The following PRKN variants were observed in gnomAD, a reference collection of about 807,000 sequenced individuals.
PRKN encodes the protein E3 ubiquitin-protein ligase parkin.
PRKN carries 56 observed loss-of-function variants against 59.5 expected under a neutral mutation model. The observed-to-expected ratio is 0.94, with a 90% CI of 0.76 to 1.18. The LOEUF (loss-of-function observed/expected upper bound fraction) is 1.18, where lower values mean the gene tolerates loss of function less well. Among genes scored for constraint, PRKN ranks in the 50% most tolerant of loss-of-function variants. The pLI is 0.00. For synonymous variants in PRKN, 250 were observed against 222.1 expected, an observed-to-expected ratio of 1.13 and a Z score of -1.12; for missense variants, 657 against 596.4, an observed-to-expected ratio of 1.10 and a Z score of -1.06.
chr6:162,198,912 G>C (rs922647966), intron 4 of PRKN, among the ~76,000 whole-genome samples: 3 of 151,956 alleles, frequency 2.0e-5, no homozygotes, highest in Admixed American at 1.3e-4. Flanking sequence ...CTACAGGTTG[G>C]TTTTCTTTCT....
At chr6:162,338,404 A>C (rs946100442) in intron 2 of PRKN, among the ~76,000 whole-genome samples, 4 of 150,082 alleles carry the variant, frequency 2.7e-5, no homozygotes, top group African/African-American at 9.7e-5. Context: ...CTGCTACTGC[A>C]GGCACGCGCC....
At chr6:162,520,324 A>G (rs1295273124) in intron 1 of PRKN, among the ~76,000 whole-genome samples, 3 of 152,220 alleles carry the variant, frequency 2.0e-5, no homozygotes, top group Non-Finnish European at 4.4e-5. Flanking sequence ...AAAAATCAGT[A>G]GCACTTATAA....
chr6:162,373,253 T>G (rs1262828015), intron 2 of PRKN, among the ~76,000 whole-genome samples: 1 of 152,212 alleles, frequency 6.6e-6, no homozygotes, highest in African/African-American at 2.4e-5. Flanking sequence ...AAGTTTTCTT[T>G]TGAGAAAAAT....
intron 1 of PRKN, among the ~76,000 whole-genome samples, chr6:162,619,919 A>T (rs1253352906): frequency 6.6e-6 from 1 of 152,188 alleles, no homozygotes; most frequent in Non-Finnish European, 1.5e-5. Flanking sequence ...TTAGTTAATG[A>T]GGGTATCTTC....
chr6:162,115,307 G>C (rs1282456125), intron 4 of PRKN, among the ~76,000 whole-genome samples: 1 of 142,650 alleles, frequency 7.0e-6, no homozygotes, highest in African/African-American at 2.6e-5. Flanking sequence ...AGAACACATG[G>C]ACACAGGAAG....
At chr6:162,264,102 C>T (rs528349979) in intron 2 of PRKN, among the ~76,000 whole-genome samples, 9 of 151,772 alleles carry the variant, frequency 5.9e-5, no homozygotes, top group Non-Finnish European at 1.0e-4. Context: ...GGTGAAACCC[C>T]ATCTCTACTA....
At chr6:161,938,911 A>T (rs1240756510) in intron 6 of PRKN, among the ~76,000 whole-genome samples, 1 of 152,156 alleles carries the variant, frequency 6.6e-6, no homozygotes, top group East Asian at 1.9e-4. Flanking sequence ...ATTCCTTTGA[A>T]CTGGTTTTTA....
At chr6:162,150,990 A>G (rs910116578) in intron 4 of PRKN, among the ~76,000 whole-genome samples, 9 of 152,294 alleles carry the variant, frequency 5.9e-5, no homozygotes, top group Non-Finnish European at 1.2e-4. Flanking sequence ...TAAAAGTAAA[A>G]GAGAAATTGG....
intron 1 of PRKN, among the ~76,000 whole-genome samples, chr6:162,621,177 A>G (rs970541815): frequency 6.6e-6 from 1 of 152,170 alleles, no homozygotes; most frequent in Non-Finnish European, 1.5e-5. Context: ...TGAGAGCAGC[A>G]ATGGCCCCAA....
chr6:161,940,664 T>C (rs1351668379), intron 6 of PRKN, among the ~76,000 whole-genome samples: 1 of 152,192 alleles, frequency 6.6e-6, no homozygotes, highest in African/African-American at 2.4e-5. Flanking sequence ...ATAATCCAAC[T>C]TAGTTCATGA....
intron 6 of PRKN, among the ~76,000 whole-genome samples, chr6:161,947,083 C>T (rs1398551564): frequency 6.6e-6 from 1 of 152,008 alleles, no homozygotes; most frequent in Non-Finnish European, 1.5e-5. Flanking sequence ...TCTGCAAGTG[C>T]TTATACATCT....
chr6:161,620,917 T>C (rs1316141544), intron 7 of PRKN, among the ~76,000 whole-genome samples: 1 of 152,140 alleles, frequency 6.6e-6, no homozygotes, highest in African/African-American at 2.4e-5. Context: ...AACCAGGAAA[T>C]GGTCACCATG....
At chr6:162,486,552 G>A (rs551874949) in intron 1 of PRKN, among the ~76,000 whole-genome samples, 8 of 152,288 alleles carry the variant, frequency 5.3e-5, no homozygotes, top group East Asian at 1.9e-4. Flanking sequence ...GTGAGAGACC[G>A]AATATGAGAA....
At chr6:161,570,620 A>G (rs1011330370) in intron 7 of PRKN, among the ~76,000 whole-genome samples, 2 of 152,022 alleles carry the variant, frequency 1.3e-5, no homozygotes, top group African/African-American at 2.4e-5. Flanking sequence ...TTTTCTTAAT[A>G]ACATTTTCCT....
intron 4 of PRKN, among the ~76,000 whole-genome samples, chr6:162,117,078 T>C (rs527590072): frequency 1.4e-4 from 21 of 152,166 alleles, no homozygotes; most frequent in African/African-American, 5.1e-4. Flanking sequence ...TGTAAATCAC[T>C]GTGGGAAAGC....
intron 9 of PRKN, among the ~76,000 whole-genome samples, chr6:161,479,610 T>TC (rs1346591367): frequency 6.6e-6 from 1 of 152,160 alleles, no homozygotes; most frequent in Non-Finnish European, 1.5e-5. Context: ...ATATGCTCTG[T>TC]CCCCGGGGAA....
At chr6:162,011,062 TATATA>T (rs1356935360) in intron 5 of PRKN, among the ~76,000 whole-genome samples, 165 of 11,324 alleles carry the variant, frequency 0.015, 36 homozygotes, top group African/African-American at 0.12. Flanking sequence ...TATATTATAA[TATATA>T]ATATATTTAT....
At chr6:161,992,958 C>T (rs1781706397) in intron 5 of PRKN, among the ~76,000 whole-genome samples, 1 of 151,920 alleles carries the variant, frequency 6.6e-6, no homozygotes. Context: ...AGCAAAAGTA[C>T]TGCTAAGAGA....
At chr6:162,217,456 C>T (rs1662778145) in intron 3 of PRKN, among the ~76,000 whole-genome samples, 1 of 152,170 alleles carries the variant, frequency 6.6e-6, no homozygotes, top group Admixed American at 6.5e-5. Flanking sequence ...CCTCAGCTCA[C>T]TGCAACCCCC....
Sources: gnomAD v4.1 joint callset for allele counts (sites outside exome capture counted in the v4.1 genomes callset) on GRCh38, gnomAD v4.1.1 for gene constraint, MANE v1.5 for transcripts, NCBI Gene and HGNC (gene_info 2026-07-23, HGNC 2026-07-21) for gene names.